The following FAM227B variants were observed in gnomAD, a reference collection of about 807,000 sequenced individuals.
FAM227B encodes protein FAM227B.
FAM227B carries 88 observed loss-of-function variants against 73.8 expected under a neutral mutation model. That is an observed-to-expected ratio of 1.19 (90% confidence interval 1.00 to 1.42). The LOEUF (loss-of-function observed/expected upper bound fraction) is 1.42, where lower values mean the gene tolerates loss of function less well. Among genes scored for constraint, FAM227B ranks in the 40% most tolerant of loss-of-function variants. FAM227B has a pLI of 0.00. For synonymous variants in FAM227B, 210 were observed against 190.5 expected, an observed-to-expected ratio of 1.10 and a Z score of -0.84; for missense variants, 632 against 590.9, an observed-to-expected ratio of 1.07 and a Z score of -0.72.
chr15:49,399,195 C>G (rs2151620760), intron 11 of FAM227B, among the ~76,000 whole-genome samples: 1 of 141,084 alleles, frequency 7.1e-6, no homozygotes, highest in African/African-American at 2.7e-5. Context: ...GAAATACAAA[C>G]TACCATCAGA....
intron 11 of FAM227B, among the ~76,000 whole-genome samples, chr15:49,469,924 C>G (rs1043733256): frequency 2.0e-5 from 3 of 152,082 alleles, no homozygotes; most frequent in African/African-American, 7.2e-5. Flanking sequence ...AAATCCACAT[C>G]AAACCAAAGA....
In FAM227B at chr15:49,367,485, T is replaced by C. The variant is rs1311678601; in HGVS notation, c.1234A>G (p.Lys412Glu). ...ELAGISKAPK[K>E]TKIKLTKIFQ... ...ATCTTAGTGAGTTTAATCTTGGTTT[T>C]CTTAGGTGCTTTGGAAATACCAGCC... The change falls in exon 13 of 16, where the codon AAA (lysine) becomes GAA (glutamate). Residue 412 changes from lysine (K) to glutamate (E), a missense_variant. Coordinates refer to ENST00000299338, the MANE Select transcript of FAM227B (RefSeq NM_152647.3). 6.2e-7 allele frequency: 1 copy of C among 1,601,564 alleles called. No individual in the cohort carries two copies. The highest frequency in any genetic ancestry group is 8.5e-7 in the Non-Finnish European group (1 of 1,177,222).
chr15:49,450,071 C>T (rs2052584705), intron 11 of FAM227B, among the ~76,000 whole-genome samples: 1 of 152,054 alleles, frequency 6.6e-6, no homozygotes, highest in Non-Finnish European at 1.5e-5. Flanking sequence ...TGTATAAATC[C>T]ATAAGACTGA....
chr15:49,338,495 G>A (rs532328392), intron 13 of FAM227B, among the ~76,000 whole-genome samples: 16 of 152,312 alleles, frequency 1.1e-4, no homozygotes, highest in East Asian at 3.9e-4. Flanking sequence ...AGAGAGATCC[G>A]CTGTTAGTCT....
At chr15:49,602,517 A>C (rs2077270493) in intron 3 of FAM227B, among the ~76,000 whole-genome samples, 1 of 152,164 alleles carries the variant, frequency 6.6e-6, no homozygotes, top group Non-Finnish European at 1.5e-5. Flanking sequence ...GAGTTGCTTA[A>C]GCTCCTTATA....
intron 13 of FAM227B, among the ~76,000 whole-genome samples, chr15:49,340,418 C>CT: frequency 7.0e-6 from 1 of 143,732 alleles, no homozygotes; most frequent in Non-Finnish European, 1.5e-5. Context: ...CCCCCTCCCC[C>CT]CCCCGCTTTG....
At chr15:49,593,181 G>A (rs973278953) in intron 3 of FAM227B, among the ~76,000 whole-genome samples, 3 of 152,086 alleles carry the variant, frequency 2.0e-5, no homozygotes, top group Non-Finnish European at 2.9e-5. Context: ...GCTCACCTCC[G>A]AGGGCTGCAC....
At chr15:49,546,329 G>C (rs180931476) in intron 9 of FAM227B, among the ~76,000 whole-genome samples, 2 of 152,148 alleles carry the variant, frequency 1.3e-5, no homozygotes, top group Non-Finnish European at 2.9e-5. Context: ...TGGTGTATAT[G>C]TGCCACATTT....
At chr15:49,329,578 A>G in intron 15 of FAM227B, 2 of 983,552 alleles carry the variant, frequency 2.0e-6, no homozygotes, top group South Asian at 4.7e-5. Flanking sequence ...AGGAAAGCCA[A>G]TATTCTATTT....
chr15:49,584,589 T>A (rs1292026659), intron 5 of FAM227B, among the ~76,000 whole-genome samples: 5 of 152,128 alleles, frequency 3.3e-5, no homozygotes, highest in Non-Finnish European at 1.5e-5. Context: ...TGTTTTCAGG[T>A]GACATTATCC....
intron 11 of FAM227B, among the ~76,000 whole-genome samples, chr15:49,458,416 A>G (rs2053510033): frequency 6.6e-6 from 1 of 152,072 alleles, no homozygotes; most frequent in Non-Finnish European, 1.5e-5. Flanking sequence ...TTGTGTTTCT[A>G]ATTAATTCTC....
intron 3 of FAM227B, among the ~76,000 whole-genome samples, chr15:49,598,431 T>C (rs1416659498): frequency 6.6e-6 from 1 of 151,994 alleles, no homozygotes; most frequent in Non-Finnish European, 1.5e-5. Flanking sequence ...CCTTTCCTAT[T>C]TGGATGGTTT....
At chr15:49,464,361 A>G (rs190970746) in intron 11 of FAM227B, among the ~76,000 whole-genome samples, 3 of 152,348 alleles carry the variant, frequency 2.0e-5, no homozygotes, top group East Asian at 1.9e-4. Context: ...TTAAATAAAA[A>G]TGTGTTAACA....
chr15:49,395,924 T>A (rs1000336676), intron 11 of FAM227B: 1 of 456,026 alleles, frequency 2.2e-6, no homozygotes, highest in Non-Finnish European at 4.4e-6. Context: ...TTAAGGCCCA[T>A]GAATGCCATG....
At chr15:49,356,261 A>G (rs548774245) in intron 13 of FAM227B, among the ~76,000 whole-genome samples, 3 of 152,176 alleles carry the variant, frequency 2.0e-5, no homozygotes, top group South Asian at 2.1e-4. Context: ...AATGGACTAA[A>G]TGCTCCAATT....
chr15:49,460,820 G>T (rs1211544919), intron 11 of FAM227B, among the ~76,000 whole-genome samples: 2 of 152,176 alleles, frequency 1.3e-5, no homozygotes, highest in Non-Finnish European at 2.9e-5. Flanking sequence ...AGCTTTGTGT[G>T]TGAGGCAGAT....
chr15:49,527,164 C>G (rs1387424649), intron 10 of FAM227B, among the ~76,000 whole-genome samples: 1 of 151,970 alleles, frequency 6.6e-6, no homozygotes, highest in Non-Finnish European at 1.5e-5. Context: ...CTGATTCCAA[C>G]AGCACATCCA....
At chr15:49,539,549 G>C (rs2070763569) in intron 10 of FAM227B, among the ~76,000 whole-genome samples, 1 of 152,176 alleles carries the variant, frequency 6.6e-6, no homozygotes, top group African/African-American at 2.4e-5. Context: ...CTCTGCAGCA[G>C]CATTAATAAT....
At chr15:49,416,972 A>C (rs1721321650) in intron 11 of FAM227B, among the ~76,000 whole-genome samples, 1 of 152,214 alleles carries the variant, frequency 6.6e-6, no homozygotes, top group African/African-American at 2.4e-5. Context: ...GCCTAAAGCA[A>C]TTTATACATT....
Sources: allele counts gnomAD v4.1 joint callset (sites outside exome capture counted in the v4.1 genomes callset), GRCh38; gene constraint gnomAD v4.1.1; transcripts MANE v1.5; gene names NCBI Gene and HGNC (gene_info 2026-07-23, HGNC 2026-07-21).